Variants in PLXNA2 observed in about 807,000 individuals in gnomAD.
PLXNA2 encodes the protein plexin A2, also known as plexin-A2.
PLXNA2 carries 91 observed loss-of-function variants against 193.5 expected under a neutral mutation model. That is an observed-to-expected ratio of 0.47 (90% CI 0.40 to 0.56). The LOEUF (loss-of-function observed/expected upper bound fraction) is 0.56. Ranked by LOEUF, PLXNA2 falls within the 20% of genes least tolerant of loss-of-function variation. The pLI, the probability that PLXNA2 is intolerant of heterozygous loss-of-function variation, is 0.00. For synonymous variants in PLXNA2, 997 were observed against 1,027.3 expected (o/e 0.97, Z 0.56); for missense variants, 1,995 against 2,503.2 (o/e 0.80, Z 4.33).
chr1:208,059,284 T>A (rs1029897521), intron 13 of PLXNA2, among the ~76,000 whole-genome samples: 1 of 152,244 alleles, frequency 6.6e-6, no homozygotes, highest in Non-Finnish European at 1.5e-5. Flanking sequence ...CCTTTTTCCA[T>A]CTTCCTCATC....
chr1:208,180,259 G>T (rs1369224723), intron 3 of PLXNA2, among the ~76,000 whole-genome samples: 2 of 151,784 alleles, frequency 1.3e-5, no homozygotes, highest in Non-Finnish European at 2.9e-5. Context: ...CCATTATATG[G>T]GAGGAGAAGA....
Position 208,217,837 on chromosome 1 carries a change from G to C in PLXNA2, c.86C>G (p.Ala29Gly), listed in dbSNP as rs769355682. The C allele has an allele frequency of 6.2e-7, 1 of 1,614,026 alleles. No homozygotes were observed. Among genetic ancestry groups the C allele is most frequent in the South Asian group, 1.1e-5 (1 of 91,074 alleles). ...VLLSVVWVLLAPPAAGMPQFS... is the reference protein window; with the variant it reads ...VLLSVVWVLLGPPAAGMPQFS... Reference sequence around the variant, plus strand: ...CTGAGGCATGCCGGCTGCTGGGGGGGCCAGCAGCACCCAGACCACTGAGAG... The same window carrying C: ...CTGAGGCATGCCGGCTGCTGGGGGGCCCAGCAGCACCCAGACCACTGAGAG... Residue 29 changes from alanine (A) to glycine (G), a missense_variant, in exon 2 of 32, where the codon GCC (alanine) becomes GGC (glycine). Coordinates refer to ENST00000367033, the MANE Select transcript of PLXNA2 (RefSeq NM_025179.4). The surrounding 1 kb of genome is among the most constrained non-coding windows in gnomAD (Gnocchi z 4.7).
intron 3 of PLXNA2, among the ~76,000 whole-genome samples, chr1:208,198,545 G>A (rs369665162): frequency 1.3e-5 from 2 of 152,190 alleles, no homozygotes; most frequent in Admixed American, 6.5e-5. Context: ...CTGCCACCCC[G>A]CGCATTGTGA....
At chr1:208,241,388 C>T (rs138500437) in intron 1 of PLXNA2, among the ~76,000 whole-genome samples, 37 of 152,292 alleles carry the variant, frequency 2.4e-4, no homozygotes, top group African/African-American at 7.7e-4. Flanking sequence ...GAAAGGGGGG[C>T]CACCAACCTT....
intron 3 of PLXNA2, among the ~76,000 whole-genome samples, chr1:208,199,978 A>T (rs938679270): frequency 3.3e-5 from 5 of 152,220 alleles, no homozygotes; most frequent in African/African-American, 1.2e-4. Flanking sequence ...TGATAGCGTC[A>T]ATCTTATCCC....
At chr1:208,214,386 A>G (rs907377691) in intron 2 of PLXNA2, among the ~76,000 whole-genome samples, 3 of 152,380 alleles carry the variant, frequency 2.0e-5, no homozygotes, top group African/African-American at 7.2e-5. Context: ...GACCAGGTAC[A>G]TAACTTGCCC....
At chr1:208,151,846 T>A (rs1274702230) in intron 3 of PLXNA2, among the ~76,000 whole-genome samples, 1 of 152,178 alleles carries the variant, frequency 6.6e-6, no homozygotes, top group Non-Finnish European at 1.5e-5. Context: ...TCTGCCTCCC[T>A]CCAGAGCCTA....
At chr1:208,079,204 G>A (rs1192763130) in intron 12 of PLXNA2, 56 bp downstream of exon 12, 1 of 1,473,014 alleles carries the variant, frequency 6.8e-7, no homozygotes, top group Non-Finnish European at 9.4e-7. Flanking sequence ...CTCTCCCACT[G>A]TCTTGGGGTC....
intron 3 of PLXNA2, among the ~76,000 whole-genome samples, chr1:208,160,382 G>T (rs1461058032): frequency 6.6e-6 from 1 of 152,230 alleles, no homozygotes; most frequent in Non-Finnish European, 1.5e-5. Flanking sequence ...GAGCCACGGG[G>T]TGGAGGAGAA....
chr1:208,128,252 G>A (rs918585877), intron 4 of PLXNA2, among the ~76,000 whole-genome samples: 8 of 152,194 alleles, frequency 5.3e-5, no homozygotes, highest in Non-Finnish European at 8.8e-5. Context: ...ATAAGACAGA[G>A]GCTAGAAATA....
At chr1:208,066,786 T>A (rs1407060627) in intron 12 of PLXNA2, among the ~76,000 whole-genome samples, 5 of 152,114 alleles carry the variant, frequency 3.3e-5, no homozygotes, top group Non-Finnish European at 5.9e-5. Context: ...GACCTCACAG[T>A]GGGACAAGAT....
chr1:208,102,948 G>A (rs1667142720), intron 5 of PLXNA2, among the ~76,000 whole-genome samples, 199 bp downstream of exon 5: 1 of 152,210 alleles, frequency 6.6e-6, no homozygotes, highest in Non-Finnish European at 1.5e-5. Flanking sequence ...AAGAAGAGAG[G>A]CAAAGACCCT....
chr1:208,164,124 G>A (rs1055746762), intron 3 of PLXNA2, among the ~76,000 whole-genome samples: 1 of 152,224 alleles, frequency 6.6e-6, no homozygotes, highest in African/African-American at 2.4e-5. Flanking sequence ...AGCAGGAAGG[G>A]GCTGGCATGT....
chr1:208,208,927 G>C (rs937981726), intron 3 of PLXNA2, among the ~76,000 whole-genome samples: 1 of 152,194 alleles, frequency 6.6e-6, no homozygotes, highest in African/African-American at 2.4e-5. Flanking sequence ...CGGCCTCAGG[G>C]TTCCAAGCTG....
At chr1:208,166,756 A>G (rs1571988863) in intron 3 of PLXNA2, among the ~76,000 whole-genome samples, 2 of 152,222 alleles carry the variant, frequency 1.3e-5, no homozygotes, top group African/African-American at 2.4e-5. Flanking sequence ...TAAAGGTGCC[A>G]TGTGGAGTGG....
intron 1 of PLXNA2, among the ~76,000 whole-genome samples, chr1:208,233,539 C>G (rs1373253655): frequency 2.0e-5 from 3 of 152,218 alleles, no homozygotes; most frequent in Admixed American, 6.5e-5. Flanking sequence ...ACCAGGTTCT[C>G]TGGATCCCAG....
At chr1:208,042,413 G>A (rs374105715) in intron 21 of PLXNA2, 47 bp from the exon 22 acceptor site, 70 of 1,587,166 alleles carry the variant, frequency 4.4e-5, no homozygotes, top group Middle Eastern at 3.4e-4. Flanking sequence ...GACAGGCATC[G>A]GGCCTCCTAC....
chr1:208,133,673 TG>T (rs1285863349), intron 4 of PLXNA2, among the ~76,000 whole-genome samples: 1 of 152,250 alleles, frequency 6.6e-6, no homozygotes, highest in African/African-American at 2.4e-5. Flanking sequence ...GGAACTCTCT[TG>T]GGCCTAGGTT....
intron 3 of PLXNA2, among the ~76,000 whole-genome samples, chr1:208,161,035 C>A (rs924855099): frequency 3.8e-4 from 58 of 152,374 alleles, no homozygotes; most frequent in African/African-American, 1.3e-3. Flanking sequence ...TATTCCATCT[C>A]AGCCTCCTCC....
Sources: allele counts gnomAD v4.1 joint callset (sites outside exome capture counted in the v4.1 genomes callset), GRCh38; gene constraint gnomAD v4.1.1; non-coding constraint Gnocchi (gnomAD v3.1); transcripts MANE v1.5; gene names NCBI Gene and HGNC (gene_info 2026-07-23, HGNC 2026-07-21).